Variants in DDX60 observed in about 807,000 individuals in gnomAD.
DDX60 encodes the protein DExD/H-box helicase 60, also known as probable ATP-dependent RNA helicase DDX60.
DDX60 carries 165 observed loss-of-function variants against 212.8 expected under a neutral mutation model. The ratio of observed to expected loss-of-function variants is 0.78; its 90% CI spans 0.68 to 0.88. The LOEUF (loss-of-function observed/expected upper bound fraction) is 0.88, where lower values mean the gene tolerates loss of function less well. Among genes scored for constraint, DDX60 ranks in the 40% least tolerant of loss-of-function variants. DDX60 has a pLI of 0.00. For missense variants in DDX60, 1,905 were observed against 2,003.9 expected, an observed-to-expected ratio of 0.95 and a Z score of 0.94; for synonymous variants, 703 against 685.3, an observed-to-expected ratio of 1.03 and a Z score of -0.40.
At chr4:168,218,564 T>TC (rs1382506987) in intron 37 of DDX60, among the ~76,000 whole-genome samples, 1 of 152,116 alleles carries the variant, frequency 6.6e-6, no homozygotes, top group Non-Finnish European at 1.5e-5. Flanking sequence ...ATGCTCATGC[T>TC]CCCCTCAGGC....
intron 37 of DDX60, 28 bp downstream of exon 37, chr4:168,220,627 A>T (rs1345559247): frequency 8.3e-7 from 1 of 1,211,896 alleles, no homozygotes; most frequent in Non-Finnish European, 1.1e-6. Flanking sequence ...TAAAAAATCT[A>T]AAATCAATAT....
chr4:168,291,818 A>T lies in DDX60; in HGVS notation c.971T>A (p.Leu324His). 6.2e-7 allele frequency: 1 copy of T among 1,613,950 alleles called. No homozygotes were observed. The highest frequency in any genetic ancestry group is 8.5e-7 in the Non-Finnish European group (1 of 1,179,886). The part of the protein sequence containing the change: ...LTVVFLLHLP[L>H]SQRACARVIT... The stretch of plus-strand genomic sequence containing the variant: ...GACTCTAGCACAAGCTCTTTGAGAA[A>T]GAGGCAGATGGAGTAGAAAAACCAC... The change falls in exon 8 of 38, where the codon CTT (leucine) becomes CAT (histidine). Residue 324 changes from leucine (L) to histidine (H), a missense_variant. Leu to His is a moderately conservative substitution (Grantham distance 99). Transcript: ENST00000393743.
chr4:168,285,934 A>G (rs1412926339), intron 10 of DDX60, among the ~76,000 whole-genome samples: 3 of 136,242 alleles, frequency 2.2e-5, no homozygotes, highest in Non-Finnish European at 4.7e-5. Context: ...GAAGGAAGGA[A>G]GGAAGGGAGG....
rs189533955 is a variant in DDX60, at chr4:168,287,544, T to C, written c.1184-341A>G. Among the ~76,000 whole-genome samples, 21 of 152,262 alleles carry C rather than the reference T, an allele frequency of 1.4e-4. 1 individual carries two copies. In the East Asian group the frequency reaches 4.0e-3, roughly 29 times the overall value. On this transcript the variant is annotated intron_variant, in intron 9 of 37. Coordinates refer to ENST00000393743, the MANE Select transcript of DDX60 (RefSeq NM_017631.6). ...AAACAAAACAGAATAAAAACTTTAG[T>C]TTTTGAGAGATGAGAAAATTGGTAA...
At chr4:168,323,634 C>T (rs1025419425), upstream of DDX60, among the ~76,000 whole-genome samples, 5 of 152,152 alleles carry the variant, frequency 3.3e-5, no homozygotes. Context: ...AAGAAATGTC[C>T]TCGTGAGGGC....
At chr4:168,299,030 A>T (rs919415397) in intron 6 of DDX60, among the ~76,000 whole-genome samples, 1 of 151,670 alleles carries the variant, frequency 6.6e-6, no homozygotes, top group Non-Finnish European at 1.5e-5. Context: ...GCTTGGTGGC[A>T]TGAGCCTGTA....
At chr4:168,221,302 T>C (rs375536902) in intron 36 of DDX60, among the ~76,000 whole-genome samples, 40 of 152,276 alleles carry the variant, frequency 2.6e-4, no homozygotes, top group African/African-American at 9.1e-4. Context: ...TTTGAAAATG[T>C]TTTTCCTGCC....
At chr4:168,232,116 A>G (rs921444123) in intron 33 of DDX60, among the ~76,000 whole-genome samples, 1 of 152,018 alleles carries the variant, frequency 6.6e-6, no homozygotes, top group African/African-American at 2.4e-5. Context: ...CTTTTACAAT[A>G]GCTGCAAATA....
At chr4:168,269,849 G>A (rs544482325) in intron 19 of DDX60, among the ~76,000 whole-genome samples, 2 of 152,138 alleles carry the variant, frequency 1.3e-5, no homozygotes, top group African/African-American at 2.4e-5. Context: ...GAGCTTTCAC[G>A]TATATTATTC....
upstream of DDX60, among the ~76,000 whole-genome samples, chr4:168,322,417 TC>T (rs546473299): frequency 2.4e-3 from 371 of 152,280 alleles, no homozygotes; most frequent in South Asian, 8.3e-3. Flanking sequence ...CTTCCATTTT[TC>T]CAAAGGCTAG....
intron 37 of DDX60, among the ~76,000 whole-genome samples, chr4:168,219,949 C>T (rs111749685): frequency 0.025 from 3,767 of 151,758 alleles, 153 homozygotes; most frequent in African/African-American, 0.084. Context: ...GGCAGGAGAA[C>T]TGCTTGAACC....
intron 14 of DDX60, among the ~76,000 whole-genome samples, chr4:168,278,043 T>G (rs1413694832): frequency 6.6e-6 from 1 of 152,102 alleles, no homozygotes; most frequent in African/African-American, 2.4e-5. Flanking sequence ...TGCCTCAGTG[T>G]TGGTGTTCAA....
At position 168,249,577 on chromosome 4, in the gene DDX60, A is replaced by G. The variant is rs72973407; in HGVS notation, c.3859-1285T>C. On this transcript the variant is annotated intron_variant, in intron 28 of 37. Transcript: ENST00000393743. The stretch of plus-strand genomic sequence containing the variant: ...TGTTCTCTATAGCAAAGCTGTCACT[A>G]TTTTCATAGTACCTTTTGTGGAGTG... Among the ~76,000 whole-genome samples the G allele has an allele frequency of 6.7e-3, 1,026 of 152,272 alleles. 11 individuals carry two copies. The highest frequency in any genetic ancestry group is 0.023 in the African/African-American group (971 of 41,554).
intron 22 of DDX60, among the ~76,000 whole-genome samples, chr4:168,266,350 T>C (rs1322711932): frequency 6.6e-6 from 1 of 152,212 alleles, no homozygotes; most frequent in African/African-American, 2.4e-5. Context: ...TTTATATACA[T>C]AGCAATTTGT....
rs754608636 is a variant in DDX60, at chr4:168,272,146, G to T, written c.2575-8C>A. The T allele has an allele frequency of 5.8e-6, 9 of 1,560,728 alleles. No individual in the cohort carries two copies. Among genetic ancestry groups the T allele is most frequent in the Middle Eastern group, 1.7e-4 (1 of 6,004 alleles). ...AGGCACTGTAATAAGTACCTACAAA[G>T]AATAATATTGTGTGAAGTAACATTT... On this transcript the variant is annotated splice_region_variant and splice_polypyrimidine_tract_variant and intron_variant, in intron 18 of 37. Coordinates refer to ENST00000393743, the MANE Select transcript of DDX60 (RefSeq NM_017631.6).
intron 7 of DDX60, 69 bp downstream of exon 7, chr4:168,293,718 G>T (rs1245659107): frequency 7.5e-7 from 1 of 1,325,306 alleles, no homozygotes. Flanking sequence ...GGAAATGAAA[G>T]ATACAAATCA....
rs1016304802 is a variant in DDX60 at position 168,236,017 on chromosome 4, A to G, written c.4533+235T>C. 9 of 401,998 alleles carry G rather than the reference A, an allele frequency of 2.2e-5. No individual in the cohort carries two copies. The Admixed American group carries it at 3.8e-4, about 17-fold the overall frequency. The allele number at this position is 401,998 out of a possible 1,614,324, so 24.9% of individuals were successfully genotyped here. On this transcript the variant is annotated intron_variant, in intron 33 of 37. Coordinates refer to ENST00000393743, the MANE Select transcript of DDX60 (RefSeq NM_017631.6). ...AATTTGATACAATCAAATGAAAAACATGAATAAAATGTTTATCCTCTTTTT... is the reference window on the plus strand; with the variant it reads ...AATTTGATACAATCAAATGAAAAACGTGAATAAAATGTTTATCCTCTTTTT...
intron 33 of DDX60, among the ~76,000 whole-genome samples, chr4:168,226,804 C>A (rs969165899): frequency 2.0e-5 from 3 of 152,104 alleles, no homozygotes; most frequent in African/African-American, 7.2e-5. Context: ...TTCACACGTT[C>A]TCACTACTTT....
At chr4:168,324,043 C>G in the DDX60 span, among the ~76,000 whole-genome samples, 1 of 152,306 alleles carries the variant, frequency 6.6e-6, no homozygotes, top group South Asian at 2.1e-4. Context: ...GAGGCCTTCT[C>G]CAGCAATGTG....
Sources: gnomAD v4.1 joint callset for allele counts (sites outside exome capture counted in the v4.1 genomes callset) on GRCh38, gnomAD v4.1.1 for gene constraint, MANE v1.5 for transcripts, NCBI Gene and HGNC (gene_info 2026-07-23, HGNC 2026-07-21) for gene names.